The following AFG2A variants were observed in gnomAD, a reference collection of about 807,000 sequenced individuals.
AFG2A encodes the protein AAA ATPase AFG2A, also known as ATPase family gene 2 protein homolog A.
the AFG2A span, among the ~76,000 whole-genome samples, chr4:123,215,088 A>C: frequency 1.3e-5 from 2 of 152,116 alleles, no homozygotes; most frequent in Non-Finnish European, 2.9e-5. Context: ...TGAAGACTCA[A>C]AATAATATCA....
the AFG2A span, among the ~76,000 whole-genome samples, chr4:123,254,553 C>T: frequency 1.3e-5 from 2 of 151,872 alleles, no homozygotes; most frequent in Admixed American, 1.3e-4. Context: ...GCCACATTGC[C>T]TCTGTAGATA....
chr4:123,301,385 A>G, the AFG2A span, among the ~76,000 whole-genome samples: 28 of 152,332 alleles, frequency 1.8e-4, no homozygotes, highest in Middle Eastern at 3.4e-3. Context: ...TATAAACAAC[A>G]TAAGTATTAC....
chr4:123,174,245 G>A, the AFG2A span, among the ~76,000 whole-genome samples: 2 of 152,254 alleles, frequency 1.3e-5, no homozygotes, highest in African/African-American at 4.8e-5. Flanking sequence ...AAAGTATAAT[G>A]CATTTAAACA....
At chr4:123,272,048 A>G in the AFG2A span, among the ~76,000 whole-genome samples, 2 of 152,208 alleles carry the variant, frequency 1.3e-5, no homozygotes, top group Admixed American at 1.3e-4. Flanking sequence ...AGGAAAAGAC[A>G]CCAATGATCT....
chr4:123,072,957 A>G, the AFG2A span, among the ~76,000 whole-genome samples: 1 of 152,142 alleles, frequency 6.6e-6, no homozygotes, highest in African/African-American at 2.4e-5. Context: ...AATTGTGTGT[A>G]CAATGTGATG....
the AFG2A span, among the ~76,000 whole-genome samples, chr4:123,034,826 A>G: frequency 6.6e-6 from 1 of 152,176 alleles, no homozygotes; most frequent in African/African-American, 2.4e-5. Flanking sequence ...TTTTGAGGTC[A>G]GTATAATAGA....
the AFG2A span, among the ~76,000 whole-genome samples, chr4:123,096,640 C>A: frequency 6.6e-6 from 1 of 151,926 alleles, no homozygotes; most frequent in Non-Finnish European, 1.5e-5. Flanking sequence ...ATAACAAGCT[C>A]CTAATAAGAA....
At chr4:123,204,310 T>C in the AFG2A span, among the ~76,000 whole-genome samples, 1 of 152,224 alleles carries the variant, frequency 6.6e-6, no homozygotes. Flanking sequence ...ACTACCAAAC[T>C]ATCTTCCAGA....
At chr4:123,144,215 T>A in the AFG2A span, among the ~76,000 whole-genome samples, 1 of 152,100 alleles carries the variant, frequency 6.6e-6, no homozygotes, top group Non-Finnish European at 1.5e-5. Flanking sequence ...CTTATAGATC[T>A]GATGGAAATT....
chr4:123,132,487 T>G, the AFG2A span, among the ~76,000 whole-genome samples: 2 of 149,258 alleles, frequency 1.3e-5, no homozygotes, highest in Non-Finnish European at 3.0e-5. Context: ...TGAATTATAT[T>G]TGTGTGTGTG....
chr4:123,288,023 G>T, the AFG2A span, among the ~76,000 whole-genome samples: 1 of 152,094 alleles, frequency 6.6e-6, no homozygotes, highest in Non-Finnish European at 1.5e-5. Context: ...GTGTGAGGGG[G>T]TTCTAGAGCC....
the AFG2A span, among the ~76,000 whole-genome samples, chr4:123,283,356 A>G: frequency 1.6e-4 from 14 of 87,562 alleles, no homozygotes; most frequent in Admixed American, 1.8e-3. Flanking sequence ...TAGGAAAAAA[A>G]AAAGAGAGAG....
the AFG2A span, among the ~76,000 whole-genome samples, chr4:123,035,680 T>C: frequency 1.3e-5 from 2 of 152,230 alleles, no homozygotes; most frequent in Non-Finnish European, 2.9e-5. Context: ...TATATATATG[T>C]TATTTTTTTT....
chr4:122,935,860 A>C, the AFG2A span: 1 of 1,592,184 alleles, frequency 6.3e-7, no homozygotes, highest in South Asian at 1.2e-5. Flanking sequence ...ACATGATTTA[A>C]TAGAGTAAAC....
the AFG2A span, chr4:122,934,310 T>G: frequency 1.4e-5 from 22 of 1,614,102 alleles, no homozygotes; most frequent in East Asian, 2.2e-5. Flanking sequence ...CAGTTAGATC[T>G]GGAGGATACC....
the AFG2A span, among the ~76,000 whole-genome samples, chr4:123,070,405 G>T: frequency 5.9e-5 from 9 of 152,074 alleles, no homozygotes; most frequent in Admixed American, 3.9e-4. Flanking sequence ...TGTTATAACA[G>T]CATAATTTAG....
chr4:123,056,169 C>T, the AFG2A span, among the ~76,000 whole-genome samples: 3 of 152,170 alleles, frequency 2.0e-5, no homozygotes, highest in African/African-American at 7.2e-5. Context: ...TATGATTAGT[C>T]ACAGCCTTTC....
chr4:123,181,279 C>T, the AFG2A span, among the ~76,000 whole-genome samples: 141,118 of 151,768 alleles, frequency 0.93, 65,737 homozygotes, highest in East Asian at 0.98. Context: ...CCACTGCGCC[C>T]GGCCCTCCTC....
At chr4:123,313,898 T>C in the AFG2A span, 2 of 1,584,002 alleles carry the variant, frequency 1.3e-6, no homozygotes, top group South Asian at 2.4e-5. Flanking sequence ...ATTGTAGCTG[T>C]CTGCAGAGAG....
Sources: allele counts gnomAD v4.1 joint callset (sites outside exome capture counted in the v4.1 genomes callset), GRCh38; gene constraint gnomAD v4.1.1; transcripts MANE v1.5; gene names NCBI Gene and HGNC (gene_info 2026-07-23, HGNC 2026-07-21).